Variants in KCNH1 observed in about 807,000 individuals in gnomAD.
KCNH1 encodes the protein potassium voltage-gated channel subfamily H member 1, also known as voltage-gated delayed rectifier potassium channel KCNH1.
In KCNH1, 27 loss-of-function variants were observed where a neutral mutation model predicts 69.2. The observed-to-expected ratio is 0.39, with a 90% CI of 0.29 to 0.54. The LOEUF is 0.54. KCNH1 is among the 20% of genes least tolerant of loss of function. The pLI, the probability that KCNH1 is intolerant of heterozygous loss-of-function variation, is 0.68. For synonymous variants in KCNH1, 456 were observed against 487.7 expected, an observed-to-expected ratio of 0.93 and a Z score of 0.86; for missense variants, 798 against 1,261.6, an observed-to-expected ratio of 0.63 and a Z score of 5.57.
intron 10 of KCNH1, among the ~76,000 whole-genome samples, chr1:210,697,195 C>T (rs1681663815): frequency 6.6e-6 from 1 of 152,198 alleles, no homozygotes; most frequent in African/African-American, 2.4e-5. Flanking sequence ...GGAAAAAATT[C>T]ATGCTTCTTT....
intron 6 of KCNH1, among the ~76,000 whole-genome samples, chr1:210,962,137 C>T (rs757804814): frequency 8.5e-5 from 13 of 152,196 alleles, no homozygotes; most frequent in Non-Finnish European, 8.8e-5. Context: ...CTTTGGCCTA[C>T]CTATACTCCT....
chr1:210,717,887 CTT>C (rs2149023040), intron 10 of KCNH1, among the ~76,000 whole-genome samples: 2 of 152,274 alleles, frequency 1.3e-5, no homozygotes, highest in South Asian at 4.1e-4. Flanking sequence ...GGGAAGATCA[CTT>C]GAGATCAAGA....
At chr1:210,746,966 C>A (rs1360319391) in intron 10 of KCNH1, among the ~76,000 whole-genome samples, 1 of 152,152 alleles carries the variant, frequency 6.6e-6, no homozygotes, top group Non-Finnish European at 1.5e-5. Flanking sequence ...CCCTCTCTGG[C>A]TTTGGGAATC....
intron 10 of KCNH1, among the ~76,000 whole-genome samples, chr1:210,750,708 C>T (rs945763772): frequency 2.0e-5 from 3 of 152,014 alleles, no homozygotes; most frequent in Non-Finnish European, 4.4e-5. Context: ...CAAGCAGGGA[C>T]AGGTGGCAGG....
At chr1:210,878,161 G>T (rs1421122533) in intron 7 of KCNH1, among the ~76,000 whole-genome samples, 1 of 151,954 alleles carries the variant, frequency 6.6e-6, no homozygotes, top group East Asian at 1.9e-4. Context: ...AAACTGATAG[G>T]ACTGCAAGGA....
At chr1:210,939,628 G>T (rs115856017) in intron 6 of KCNH1, among the ~76,000 whole-genome samples, 2,000 of 152,248 alleles carry the variant, frequency 0.013, 46 homozygotes, top group African/African-American at 0.044. Context: ...GGCACAGAAG[G>T]CATTTTACAT....
intron 7 of KCNH1, among the ~76,000 whole-genome samples, chr1:210,898,655 C>G (rs1169957550): frequency 6.6e-6 from 1 of 150,654 alleles, no homozygotes; most frequent in Non-Finnish European, 1.5e-5. Flanking sequence ...AACCGCAAGA[C>G]CCCTTGGAGG....
chr1:210,962,727 C>T (rs913342639), intron 6 of KCNH1, among the ~76,000 whole-genome samples: 1 of 151,616 alleles, frequency 6.6e-6, no homozygotes, highest in Non-Finnish European at 1.5e-5. Context: ...CTTGAACATG[C>T]CCCTGATGCA....
chr1:210,696,204 A>G (rs1021219571), intron 10 of KCNH1, among the ~76,000 whole-genome samples: 1 of 152,208 alleles, frequency 6.6e-6, no homozygotes, highest in South Asian at 2.1e-4. Context: ...GTCCTGGCAC[A>G]AGATATGCAA....
intron 5 of KCNH1, among the ~76,000 whole-genome samples, chr1:211,027,102 T>C (rs1405860097): frequency 6.6e-6 from 1 of 152,048 alleles, no homozygotes; most frequent in African/African-American, 2.4e-5. Context: ...GAAAAACAGG[T>C]AATCAATAGA....
intron 10 of KCNH1, among the ~76,000 whole-genome samples, chr1:210,699,539 C>G (rs1681723760): frequency 6.6e-6 from 1 of 152,226 alleles, no homozygotes; most frequent in Non-Finnish European, 1.5e-5. Context: ...AGCGCAGCCA[C>G]TTGGCATGAG....
intron 7 of KCNH1, among the ~76,000 whole-genome samples, chr1:210,908,856 T>C (rs1020958032): frequency 6.6e-6 from 1 of 152,198 alleles, no homozygotes; most frequent in Non-Finnish European, 1.5e-5. Flanking sequence ...CTGACCAGGG[T>C]TGGCTCTGCA....
At chr1:210,719,595 T>C (rs12046832) in intron 10 of KCNH1, among the ~76,000 whole-genome samples, 13,197 of 152,066 alleles carry the variant, frequency 0.087, 611 homozygotes, top group Middle Eastern at 0.14. Flanking sequence ...ACCTAATGCA[T>C]GCAGGGCTTA....
chr1:210,979,122 A>G (rs895103527), intron 6 of KCNH1, among the ~76,000 whole-genome samples: 1 of 151,592 alleles, frequency 6.6e-6, no homozygotes, highest in African/African-American at 2.4e-5. Flanking sequence ...TGTGGACATC[A>G]CCAGCCACTT....
At chr1:210,727,420 A>T (rs1380107802) in intron 10 of KCNH1, among the ~76,000 whole-genome samples, 1 of 152,084 alleles carries the variant, frequency 6.6e-6, no homozygotes, top group Non-Finnish European at 1.5e-5. Flanking sequence ...TCTGGTCTTG[A>T]ACTCCTGGCC....
chr1:210,985,533 G>C (rs567743872), intron 6 of KCNH1, among the ~76,000 whole-genome samples: 20 of 152,140 alleles, frequency 1.3e-4, no homozygotes, highest in African/African-American at 4.8e-4. Context: ...CCTTCATTTC[G>C]TTATGTACCC....
chr1:210,967,822 A>G (rs2102363452), intron 6 of KCNH1, among the ~76,000 whole-genome samples: 2 of 152,012 alleles, frequency 1.3e-5, no homozygotes, highest in South Asian at 4.2e-4. Flanking sequence ...CAAAATATTG[A>G]CTTGAAGCTA....
intron 5 of KCNH1, among the ~76,000 whole-genome samples, chr1:211,040,063 C>T (rs1017817574): frequency 1.4e-4 from 22 of 151,964 alleles, no homozygotes; most frequent in African/African-American, 3.9e-4. Context: ...TGGTGGCGGG[C>T]GCCTGTAGTC....
intron 6 of KCNH1, among the ~76,000 whole-genome samples, chr1:211,008,611 G>T (rs1689330473): frequency 6.6e-6 from 1 of 152,202 alleles, no homozygotes; most frequent in South Asian, 2.1e-4. Flanking sequence ...TCAAGAATAG[G>T]TAAAACTAAT....
Sources: gnomAD v4.1 joint callset for allele counts (sites outside exome capture counted in the v4.1 genomes callset) on GRCh38, gnomAD v4.1.1 for gene constraint, MANE v1.5 for transcripts, NCBI Gene and HGNC (gene_info 2026-07-23, HGNC 2026-07-21) for gene names.